Variants in CAMK2D observed in about 807,000 individuals in gnomAD.
CAMK2D encodes the protein calcium/calmodulin-dependent protein kinase type II subunit delta.
In CAMK2D, 37 loss-of-function variants were observed where a neutral mutation model predicts 84.0. The observed-to-expected ratio is 0.44, with a 90% confidence interval of 0.34 to 0.58. The LOEUF (loss-of-function observed/expected upper bound fraction) is 0.58, where lower values mean the gene tolerates loss of function less well. Among genes scored for constraint, CAMK2D ranks in the 20% least tolerant of loss-of-function variants. The pLI is 0.02. For synonymous variants in CAMK2D, 202 were observed against 212.5 expected, an observed-to-expected ratio of 0.95 and a Z score of 0.43; for missense variants, 448 against 652.5, an observed-to-expected ratio of 0.69 and a Z score of 3.41.
rs567406298 is a variant in CAMK2D, at chr4:113,537,276, G to A, written c.517+65C>T. 1.4e-4 allele frequency: 112 copies of A among 792,560 alleles called. No individual in the cohort carries two copies. The East Asian group carries it at 2.8e-3, about 20-fold the overall frequency. 49.1% of individuals were successfully genotyped at this position (792,560 alleles called of 1,614,324 possible). A position where few individuals can be genotyped will look rare whatever the true frequency, so the allele number is the denominator to read the frequency against. On this transcript the variant is annotated intron_variant, in intron 7 of 20. Transcript: ENST00000511664. The stretch of plus-strand genomic sequence containing the variant: ...CCATTTTATTTTCACTAGGAAGTGG[G>A]ATTAGGAGCCAGAATTCAGAAGCCA...
At chr4:113,653,240 A>G (rs17046374) in intron 3 of CAMK2D, among the ~76,000 whole-genome samples, 14,896 of 152,088 alleles carry the variant, frequency 0.098, 2,107 homozygotes, top group African/African-American at 0.32. Context: ...AGAAAAATAT[A>G]TCGCTGTGCT....
At chr4:113,670,324 A>AAAT (rs1561728513) in intron 2 of CAMK2D, among the ~76,000 whole-genome samples, 51 of 147,362 alleles carry the variant, frequency 3.5e-4, no homozygotes, top group African/African-American at 1.3e-3. Context: ...AATAAATAAA[A>AAAT]AACTATGATG....
chr4:113,761,264 G>T lies in CAMK2D; in HGVS notation c.-196C>A. The T allele has an allele frequency of 6.9e-7, 1 of 1,453,816 alleles. No homozygotes were observed. The highest frequency in any genetic ancestry group is 9.0e-7 in the Non-Finnish European group (1 of 1,105,640). 90.1% of individuals were successfully genotyped at this position (1,453,816 alleles called of 1,614,324 possible). Reference sequence around the variant, plus strand: ...GAGATGACCAGAAAGGGTGGCGTGGGGTCTCCTCCCCACAGTCCGCCGATC... The same window carrying T: ...GAGATGACCAGAAAGGGTGGCGTGGTGTCTCCTCCCCACAGTCCGCCGATC... On this transcript the variant is annotated 5_prime_UTR_variant, in exon 1 of 21. Coordinates refer to ENST00000511664, the MANE Select transcript of CAMK2D (RefSeq NM_001321571.2).
chr4:113,745,120 T>C lies in CAMK2D; in HGVS notation c.160+14200A>G, dbSNP rs371772949. Among the ~76,000 whole-genome samples the C allele has an allele frequency of 9.2e-5, 14 of 152,334 alleles. No homozygotes were observed. In the East Asian group the frequency reaches 1.7e-3, roughly 19 times the overall value. On this transcript the variant is annotated intron_variant, in intron 2 of 20. Transcript: ENST00000511664. ...CATTCACTGCTACCAAGTAACATCA[T>C]AGAGGCTCTCTTTAATGTGTCTCTG...
At chr4:113,485,433 TGCCTACTTGTCC>T in intron 16 of CAMK2D, among the ~76,000 whole-genome samples, 1 of 152,370 alleles carries the variant, frequency 6.6e-6, no homozygotes, top group Admixed American at 6.5e-5. Flanking sequence ...AATTTCTTCA[TGCCTACTTGTCC>T]TTTATCATTA....
At chr4:113,589,167 A>G (rs1278502190) in intron 4 of CAMK2D, among the ~76,000 whole-genome samples, 1 of 151,902 alleles carries the variant, frequency 6.6e-6, no homozygotes, top group East Asian at 1.9e-4. Context: ...GTGGCAATGG[A>G]GTGTTTTGAG....
chr4:113,487,982 C>A (rs1313361311), intron 16 of CAMK2D, among the ~76,000 whole-genome samples: 1 of 151,806 alleles, frequency 6.6e-6, no homozygotes, highest in African/African-American at 2.4e-5. Flanking sequence ...AAACCTGAGC[C>A]ACAGGTAAAT....
chr4:113,620,353 T>G (rs1161833689), intron 3 of CAMK2D, among the ~76,000 whole-genome samples: 1 of 152,112 alleles, frequency 6.6e-6, no homozygotes, highest in Non-Finnish European at 1.5e-5. Flanking sequence ...TTGCAAATAT[T>G]ATGATACTAG....
intron 2 of CAMK2D, among the ~76,000 whole-genome samples, chr4:113,747,847 G>C (rs1224716360): frequency 6.6e-6 from 1 of 151,850 alleles, no homozygotes; most frequent in Admixed American, 6.6e-5. Flanking sequence ...TGATTCGTTG[G>C]AAGAAAAAAC....
At chr4:113,586,956 T>G (rs2098837014) in intron 4 of CAMK2D, among the ~76,000 whole-genome samples, 1 of 152,202 alleles carries the variant, frequency 6.6e-6, no homozygotes, top group African/African-American at 2.4e-5. Context: ...ACTTTTGTTT[T>G]AAGGAAAGAG....
At chr4:113,463,662 C>A (rs1423143425) in intron 17 of CAMK2D, among the ~76,000 whole-genome samples, 2 of 152,230 alleles carry the variant, frequency 1.3e-5, no homozygotes, top group Non-Finnish European at 2.9e-5. Flanking sequence ...AGGCGTGAGA[C>A]ATCGCACCTG....
intron 4 of CAMK2D, among the ~76,000 whole-genome samples, chr4:113,586,987 AC>A (rs1252707037): frequency 2.0e-5 from 3 of 152,206 alleles, no homozygotes; most frequent in African/African-American, 7.2e-5. Flanking sequence ...ACCATTCAAA[AC>A]TAAATGCAAG....
At chr4:113,460,317 C>T (rs2097357272) in intron 17 of CAMK2D, 76 bp from the exon 18 acceptor site, 1 of 836,162 alleles carries the variant, frequency 1.2e-6, no homozygotes, top group Non-Finnish European at 2.0e-6. Context: ...TGTAAACATT[C>T]TGATTTACCA....
intron 4 of CAMK2D, among the ~76,000 whole-genome samples, chr4:113,605,064 A>G (rs2098971513): frequency 6.6e-6 from 1 of 152,214 alleles, no homozygotes; most frequent in African/African-American, 2.4e-5. Flanking sequence ...GCCCTCCCTT[A>G]TCTGCCTAAA....
At chr4:113,478,793 G>T (rs1231809167) in intron 16 of CAMK2D, among the ~76,000 whole-genome samples, 2 of 152,008 alleles carry the variant, frequency 1.3e-5, no homozygotes, top group Non-Finnish European at 2.9e-5. Context: ...AATACTCACG[G>T]CCCCAAAACA....
Position 113,459,148 on chromosome 4 carries a change from A to C in CAMK2D, c.1306+999T>G, listed in dbSNP as rs72903961. 4.2e-3 allele frequency among the ~76,000 whole-genome samples: 634 copies of C among 152,298 alleles called. 6 individuals carry two copies. The highest frequency in any genetic ancestry group is 0.014 in the African/African-American group (592 of 41,582). On this transcript the variant is annotated intron_variant, in intron 18 of 20. Transcript: ENST00000511664. Reference sequence around the variant, plus strand: ...GAAAATAAGCATCACATATGCTTGAAAGCACTCTTCTATGTTAAATATTTT... The same window carrying C: ...GAAAATAAGCATCACATATGCTTGACAGCACTCTTCTATGTTAAATATTTT...
At chr4:113,498,655 T>C (rs1397515375) in intron 16 of CAMK2D, among the ~76,000 whole-genome samples, 1 of 152,206 alleles carries the variant, frequency 6.6e-6, no homozygotes, top group African/African-American at 2.4e-5. Flanking sequence ...AAATACTATC[T>C]CAATTTATGA....
At chr4:113,519,275 C>T (rs1273851183) in intron 8 of CAMK2D, among the ~76,000 whole-genome samples, 1 of 152,138 alleles carries the variant, frequency 6.6e-6, no homozygotes. Context: ...TCAACTGAGA[C>T]ATTTAGCATT....
intron 2 of CAMK2D, among the ~76,000 whole-genome samples, chr4:113,664,020 A>G (rs2154316506): frequency 6.6e-6 from 1 of 152,286 alleles, no homozygotes; most frequent in African/African-American, 2.4e-5. Context: ...ATATATGAAA[A>G]GGGGACTAGT....
Sources: allele counts gnomAD v4.1 joint callset (sites outside exome capture counted in the v4.1 genomes callset), GRCh38; gene constraint gnomAD v4.1.1; transcripts MANE v1.5; gene names NCBI Gene and HGNC (gene_info 2026-07-23, HGNC 2026-07-21).